TBC1D5: variants seen among roughly 807,000 people sequenced by gnomAD.
TBC1D5 encodes TBC1 domain family member 5, also known as TBC1 domain family, member 5.
In TBC1D5, 75 loss-of-function variants were observed where a neutral mutation model predicts 100.3. That is an observed-to-expected ratio of 0.75 (90% CI 0.62 to 0.91). TBC1D5 has a LOEUF of 0.91. TBC1D5 is among the 40% of genes least tolerant of loss of function. The pLI is 0.00. For synonymous variants in TBC1D5, 323 were observed against 325.6 expected, an observed-to-expected ratio of 0.99 and a Z score of 0.09; for missense variants, 910 against 942.4, an observed-to-expected ratio of 0.97 and a Z score of 0.45.
intron 3 of TBC1D5, among the ~76,000 whole-genome samples, chr3:17,484,939 A>C (rs1043425733): frequency 5.9e-5 from 9 of 152,208 alleles, no homozygotes; most frequent in Non-Finnish European, 5.9e-5. Flanking sequence ...AAAATTAAAG[A>C]GAATAATATA....
intron 17 of TBC1D5, among the ~76,000 whole-genome samples, chr3:17,227,541 C>T (rs1407269228): frequency 6.6e-6 from 1 of 151,994 alleles, no homozygotes; most frequent in Non-Finnish European, 1.5e-5. Flanking sequence ...ACATCATGTT[C>T]TTTGTAGGAA....
Position 17,298,542 on chromosome 3 carries a change from C to A in TBC1D5, c.1139-6541G>T, listed in dbSNP as rs565796923. On this transcript the variant is annotated intron_variant, in intron 14 of 21. Transcript: ENST00000253692. Reference sequence around the variant, plus strand: ...AACAAAGGCAGACACTGAGTGGCTCCTATGGCAGGGGTGATAAGGAGAAAT... The same window carrying A: ...AACAAAGGCAGACACTGAGTGGCTCATATGGCAGGGGTGATAAGGAGAAAT... Among the ~76,000 whole-genome samples the A allele has an allele frequency of 9.7e-4, 147 of 152,198 alleles. 2 individuals carry two copies. The highest frequency in any genetic ancestry group is 1.6e-3 in the Non-Finnish European group (112 of 68,014).
At chr3:17,451,481 T>C (rs536245496) in intron 3 of TBC1D5, among the ~76,000 whole-genome samples, 1 of 152,104 alleles carries the variant, frequency 6.6e-6, no homozygotes, top group Non-Finnish European at 1.5e-5. Context: ...ATGGTGATCA[T>C]CAAAAAAAAG....
chr3:17,510,686 T>TG (rs1179865227), intron 2 of TBC1D5, among the ~76,000 whole-genome samples: 2 of 152,018 alleles, frequency 1.3e-5, no homozygotes, highest in African/African-American at 4.8e-5. Flanking sequence ...TCCTCTACTA[T>TG]GGAGCAGTCA....
chr3:17,656,138 C>T (rs1320915998), intron 1 of TBC1D5, among the ~76,000 whole-genome samples: 2 of 152,208 alleles, frequency 1.3e-5, no homozygotes, highest in Non-Finnish European at 2.9e-5. Flanking sequence ...TTTATTGAAA[C>T]TAGCGATCAC....
rs1264166958 is a variant in TBC1D5 at position 17,303,873 on chromosome 3, C to T, written c.1138+4119G>A. The stretch of plus-strand genomic sequence containing the variant: ...TTTTTTTTTTTTTTGAGGCCAGGTA[C>T]CACTTCCCAGTGTTTGTCTCTGTAG... On this transcript the variant is annotated intron_variant, in intron 14 of 21. Transcript: ENST00000253692. Among the ~76,000 whole-genome samples the T allele has an allele frequency of 3.2e-5, 4 of 126,658 alleles. No individual in the cohort carries two copies. In the Admixed American group the frequency reaches 3.7e-4, roughly 12 times the overall value. The allele number at this position is 126,658 out of a possible 152,430, so 83.1% of individuals were successfully genotyped here.
chr3:17,599,100 T>C (rs1238347790), intron 2 of TBC1D5, among the ~76,000 whole-genome samples: 1 of 152,052 alleles, frequency 6.6e-6, no homozygotes, highest in Non-Finnish European at 1.5e-5. Context: ...ATCTAGGCAT[T>C]AGGAAGGTTA....
chr3:17,573,726 G>C (rs1457251158), intron 2 of TBC1D5, among the ~76,000 whole-genome samples: 1 of 151,666 alleles, frequency 6.6e-6, no homozygotes, highest in Admixed American at 6.6e-5. Flanking sequence ...TATACATTCG[G>C]CCTGCACACT....
chr3:17,601,542 T>G (rs9310526), intron 2 of TBC1D5, among the ~76,000 whole-genome samples: 78,155 of 151,956 alleles, frequency 0.51, 21,960 homozygotes, highest in African/African-American at 0.72. Flanking sequence ...CTACCAATAT[T>G]TAAAATGAAC....
intron 2 of TBC1D5, among the ~76,000 whole-genome samples, chr3:17,619,521 T>C (rs1041777072): frequency 1.3e-5 from 2 of 152,228 alleles, no homozygotes; most frequent in Admixed American, 1.3e-4. Context: ...AGCACAGTTA[T>C]AGTCATTTTA....
intron 15 of TBC1D5, among the ~76,000 whole-genome samples, chr3:17,287,454 C>T (rs17043301): frequency 0.01 from 1,536 of 152,280 alleles, 10 homozygotes; most frequent in Non-Finnish European, 0.015. Flanking sequence ...GCAGAACAGA[C>T]GCCAGGAATC....
chr3:17,685,347 ATAATT>A (rs1390071702), intron 1 of TBC1D5, among the ~76,000 whole-genome samples: 1 of 152,180 alleles, frequency 6.6e-6, no homozygotes, highest in Non-Finnish European at 1.5e-5. Context: ...TAACTTATAA[ATAATT>A]TAAAGGATGT....
chr3:17,344,924 G>A (rs2151501388), intron 13 of TBC1D5, among the ~76,000 whole-genome samples: 1 of 152,180 alleles, frequency 6.6e-6, no homozygotes, highest in South Asian at 2.1e-4. Flanking sequence ...ATTCAAGATG[G>A]ATTAAAGACT....
chr3:17,477,241 A>C (rs1036432756), intron 3 of TBC1D5, among the ~76,000 whole-genome samples: 1 of 151,960 alleles, frequency 6.6e-6, no homozygotes, highest in Non-Finnish European at 1.5e-5. Context: ...GATAAACAAA[A>C]TTTGGTAAAA....
chr3:17,504,661 T>G (rs960551955), intron 3 of TBC1D5, among the ~76,000 whole-genome samples: 4 of 151,892 alleles, frequency 2.6e-5, no homozygotes, highest in African/African-American at 9.7e-5. Context: ...CACTAAAGAG[T>G]TGTAAGCCAG....
At chr3:17,663,545 G>T (rs1282741343) in intron 1 of TBC1D5, among the ~76,000 whole-genome samples, 1 of 152,110 alleles carries the variant, frequency 6.6e-6, no homozygotes, top group Non-Finnish European at 1.5e-5. Flanking sequence ...AATTAGCAGA[G>T]ATGTTTTCTT....
At chr3:17,294,699 C>A (rs2082078779) in intron 14 of TBC1D5, among the ~76,000 whole-genome samples, 1 of 152,126 alleles carries the variant, frequency 6.6e-6, no homozygotes, top group Non-Finnish European at 1.5e-5. Context: ...TGCCAGATAT[C>A]CAGAGACTAT....
At chr3:17,628,471 C>G (rs903485818) in intron 1 of TBC1D5, among the ~76,000 whole-genome samples, 2 of 151,864 alleles carry the variant, frequency 1.3e-5, no homozygotes, top group African/African-American at 2.4e-5. Context: ...CCTCTCCCCC[C>G]ACTTCACCAT....
At chr3:17,278,244 A>G (rs1417618401) in intron 15 of TBC1D5, among the ~76,000 whole-genome samples, 1 of 152,230 alleles carries the variant, frequency 6.6e-6, no homozygotes, top group Non-Finnish European at 1.5e-5. Flanking sequence ...GTGTGCTGGG[A>G]GCCAGCCTCA....
Sources: allele counts gnomAD v4.1 joint callset (sites outside exome capture counted in the v4.1 genomes callset), GRCh38; gene constraint gnomAD v4.1.1; transcripts MANE v1.5; gene names NCBI Gene and HGNC (gene_info 2026-07-23, HGNC 2026-07-21).